Variants in ADAMTSL1 observed in about 807,000 individuals in gnomAD.
The protein encoded by ADAMTSL1 is ADAMTS-like protein 1.
In ADAMTSL1, 126 loss-of-function variants were observed where a neutral mutation model predicts 201.8. That is an observed-to-expected ratio of 0.62 (90% CI 0.54 to 0.72). The LOEUF (loss-of-function observed/expected upper bound fraction) is 0.72, where lower values mean the gene tolerates loss of function less well. Among genes scored for constraint, ADAMTSL1 ranks in the 30% least tolerant of loss-of-function variants. The pLI is 0.00. For missense variants in ADAMTSL1, 2,679 were observed against 2,277.8 expected, an observed-to-expected ratio of 1.18 and a Z score of -3.59; for synonymous variants, 1,121 against 903.4, an observed-to-expected ratio of 1.24 and a Z score of -4.32.
chr9:18,762,602 A>G (rs1190231928), intron 16 of ADAMTSL1, among the ~76,000 whole-genome samples: 2 of 152,036 alleles, frequency 1.3e-5, no homozygotes, highest in Admixed American at 1.3e-4. Flanking sequence ...ATTCTATTAC[A>G]TATTTTCATA....
intron 1 of ADAMTSL1, among the ~76,000 whole-genome samples, chr9:17,970,782 C>T (rs997304584): frequency 1.3e-5 from 2 of 152,032 alleles, no homozygotes; most frequent in African/African-American, 4.8e-5. Flanking sequence ...TATCTTCACA[C>T]TTACTTGGTC....
intron 1 of ADAMTSL1, among the ~76,000 whole-genome samples, chr9:18,070,362 T>C (rs1354949247): frequency 6.6e-6 from 1 of 152,046 alleles, no homozygotes; most frequent in Non-Finnish European, 1.5e-5. Context: ...GGCAGGCAAA[T>C]GTGGCTGGCT....
At chr9:18,449,562 A>C (rs1277381717) in intron 2 of ADAMTSL1, among the ~76,000 whole-genome samples, 1 of 152,200 alleles carries the variant, frequency 6.6e-6, no homozygotes, top group Admixed American at 6.5e-5. Context: ...TATTTTGATA[A>C]AATGATATTA....
chr9:18,044,440 G>A (rs1366084587), intron 1 of ADAMTSL1, among the ~76,000 whole-genome samples: 1 of 152,110 alleles, frequency 6.6e-6, no homozygotes, highest in Non-Finnish European at 1.5e-5. Context: ...TAAGGGAGAG[G>A]ATATGAGTTG....
chr9:18,411,101 A>G (rs1818421673), intron 2 of ADAMTSL1, among the ~76,000 whole-genome samples: 1 of 150,922 alleles, frequency 6.6e-6, no homozygotes, highest in Non-Finnish European at 1.5e-5. Flanking sequence ...TGACCTCATC[A>G]TCCACCCACC....
At chr9:18,330,844 A>C (rs1169869000) in intron 2 of ADAMTSL1, among the ~76,000 whole-genome samples, 2 of 152,322 alleles carry the variant, frequency 1.3e-5, no homozygotes, top group East Asian at 3.9e-4. Context: ...AATGCATAAA[A>C]CTGCTGATTA....
chr9:18,373,394 T>A (rs546214008), intron 2 of ADAMTSL1, among the ~76,000 whole-genome samples: 2 of 152,346 alleles, frequency 1.3e-5, no homozygotes, highest in African/African-American at 4.8e-5. Context: ...CTCTGCTGGA[T>A]GGGTAGCGCC....
intron 1 of ADAMTSL1, among the ~76,000 whole-genome samples, chr9:17,917,900 T>C (rs1750087383): frequency 6.6e-6 from 1 of 152,002 alleles, no homozygotes; most frequent in African/African-American, 2.4e-5. Context: ...TTAGCTTTGA[T>C]TGTCTTTCAC....
chr9:18,351,768 A>T (rs1297931340), intron 2 of ADAMTSL1, among the ~76,000 whole-genome samples: 3 of 152,204 alleles, frequency 2.0e-5, no homozygotes, highest in African/African-American at 7.2e-5. Context: ...GCCCTTTAAA[A>T]ATACATGTGC....
intron 2 of ADAMTSL1, among the ~76,000 whole-genome samples, chr9:18,241,413 C>G (rs1350258700): frequency 1.3e-5 from 2 of 152,112 alleles, no homozygotes; most frequent in South Asian, 4.1e-4. Context: ...GCTTCCTAGT[C>G]TTGCTCCATC....
intron 23 of ADAMTSL1, among the ~76,000 whole-genome samples, chr9:18,845,049 C>T (rs562640601): frequency 2.0e-5 from 3 of 152,322 alleles, no homozygotes; most frequent in African/African-American, 7.2e-5. Context: ...CACCCACTGT[C>T]CTGCACCCAC....
chr9:18,312,279 A>T (rs1298622981), intron 2 of ADAMTSL1, among the ~76,000 whole-genome samples: 7 of 152,216 alleles, frequency 4.6e-5, no homozygotes. Context: ...GGATAAAATT[A>T]AAACCACCTG....
chr9:18,652,962 A>T (rs1828389454), intron 7 of ADAMTSL1, among the ~76,000 whole-genome samples: 1 of 152,228 alleles, frequency 6.6e-6, no homozygotes, highest in Admixed American at 6.5e-5. Context: ...TGAGAGGAAA[A>T]GTTTAAATCA....
chr9:18,237,807 G>T (rs1420104488), intron 2 of ADAMTSL1, among the ~76,000 whole-genome samples: 1 of 152,140 alleles, frequency 6.6e-6, no homozygotes, highest in South Asian at 2.1e-4. Context: ...TCCTTTGTCA[G>T]TATTTTTTAA....
At chr9:18,405,704 T>C (rs1818163838) in intron 2 of ADAMTSL1, among the ~76,000 whole-genome samples, 1 of 151,890 alleles carries the variant, frequency 6.6e-6, no homozygotes, top group Non-Finnish European at 1.5e-5. Flanking sequence ...TCCTTGAAGA[T>C]TACATATAGC....
intron 20 of ADAMTSL1, among the ~76,000 whole-genome samples, chr9:18,796,198 T>G (rs1282335528): frequency 6.6e-6 from 1 of 152,198 alleles, no homozygotes; most frequent in Non-Finnish European, 1.5e-5. Context: ...AACCCATGCC[T>G]TTGAAACGGA....
At chr9:18,042,758 T>G (rs1821482414) in intron 1 of ADAMTSL1, among the ~76,000 whole-genome samples, 1 of 152,182 alleles carries the variant, frequency 6.6e-6, no homozygotes, top group Non-Finnish European at 1.5e-5. Context: ...ACTTCTACTC[T>G]GTAGTCTAAG....
intron 19 of ADAMTSL1, among the ~76,000 whole-genome samples, chr9:18,788,366 A>G (rs1821824005): frequency 1.3e-5 from 2 of 151,950 alleles, no homozygotes; most frequent in African/African-American, 4.8e-5. Flanking sequence ...ACAAACCTTG[A>G]CGTTAATTAC....
intron 2 of ADAMTSL1, among the ~76,000 whole-genome samples, chr9:18,450,858 A>G (rs983918515): frequency 1.3e-5 from 2 of 152,242 alleles, no homozygotes; most frequent in African/African-American, 4.8e-5. Flanking sequence ...ATCATTACAT[A>G]GAGTAAAATA....
Sources: allele counts gnomAD v4.1 joint callset (sites outside exome capture counted in the v4.1 genomes callset), GRCh38; gene constraint gnomAD v4.1.1; transcripts MANE v1.5; gene names NCBI Gene and HGNC (gene_info 2026-07-23, HGNC 2026-07-21).